The following ABCG1 variants were observed in gnomAD, a reference collection of about 807,000 sequenced individuals.
ABCG1 encodes ATP binding cassette subfamily G member 1.
In ABCG1, 29 loss-of-function variants were observed where a neutral mutation model predicts 69.2. That is an observed-to-expected ratio of 0.42 (90% CI 0.31 to 0.57). The LOEUF (loss-of-function observed/expected upper bound fraction) is 0.57, where lower values mean the gene tolerates loss of function less well. ABCG1 is among the 20% of genes least tolerant of loss of function. The pLI, the probability that ABCG1 is intolerant of heterozygous loss-of-function variation, is 0.15. For synonymous variants in ABCG1, 370 were observed against 374.8 expected (o/e 0.99, Z 0.15); for missense variants, 718 against 898.1 (o/e 0.80, Z 2.56).
At chr21:42,247,908 G>T (rs114174050) in intron 2 of ABCG1, among the ~76,000 whole-genome samples, 1 of 152,140 alleles carries the variant, frequency 6.6e-6, no homozygotes, top group Non-Finnish European at 1.5e-5. Context: ...GCCTGGAGAC[G>T]CAAGGAAGGA....
chr21:42,226,311 C>T lies in ABCG1; in HGVS notation c.286+397C>T, dbSNP rs1014747287. On this transcript the variant is annotated intron_variant, in intron 2 of 14. Transcript: ENST00000398449. ...AAAATGGGGGACAGGTGCCCCCCTCCCAAGCGTGAAGTGTTAAAAAGTGGC... is the reference window on the plus strand; with the variant it reads ...AAAATGGGGGACAGGTGCCCCCCTCTCAAGCGTGAAGTGTTAAAAAGTGGC... Among the ~76,000 whole-genome samples the T allele has an allele frequency of 4.6e-5, 7 of 152,164 alleles. No homozygotes were observed. The East Asian group carries it at 5.8e-4, about 13-fold the overall frequency.
In ABCG1 at chr21:42,276,515, G is replaced by A. The variant is rs752901253; in HGVS notation, c.538-380G>A. 4.2e-6 allele frequency: 1 copy of A among 237,038 alleles called. No individual in the cohort carries two copies. The highest frequency in any genetic ancestry group is 8.4e-6 in the Non-Finnish European group (1 of 119,526). 14.7% of individuals were successfully genotyped at this position (237,038 alleles called of 1,614,324 possible). On this transcript the variant is annotated intron_variant, in intron 4 of 14. Transcript: ENST00000398449. This position sits in a 1 kb window ranked among gnomAD's most constrained non-coding sequence, Gnocchi z 5.3. ...TAGCAGGAAGCATCGCACATGGACT[G>A]CTCTCCTGCCATCCTACCATTGTTA...
intron 2 of ABCG1, among the ~76,000 whole-genome samples, chr21:42,226,339 G>A (rs1414513049): frequency 6.6e-6 from 1 of 152,222 alleles, no homozygotes; most frequent in Non-Finnish European, 1.5e-5. Context: ...AAAGTGGCCA[G>A]TGACCTAGAC....
chr21:42,278,738 C>T (rs2068753726), intron 5 of ABCG1, among the ~76,000 whole-genome samples: 1 of 152,172 alleles, frequency 6.6e-6, no homozygotes, highest in Admixed American at 6.5e-5. Flanking sequence ...GCCTTAGTTC[C>T]AGGCACACAG....
At chr21:42,264,111 G>A (rs954989606) in intron 2 of ABCG1, among the ~76,000 whole-genome samples, 11 of 152,162 alleles carry the variant, frequency 7.2e-5, no homozygotes, top group Non-Finnish European at 1.0e-4. Context: ...GGCGGCTGTC[G>A]GATGCCCTGC....
Position 42,256,767 on chromosome 21 carries a change from C to T in ABCG1, c.287-14303C>T, listed in dbSNP as rs563472059. On this transcript the variant is annotated intron_variant, in intron 2 of 14. Coordinates refer to ENST00000398449, the MANE Select transcript of ABCG1 (RefSeq NM_016818.3). Reference sequence around the variant, plus strand: ...CAGAAATGATCACGAGCTTAAGGAACTGGGTCTGCAATGTGAAGCCTTAGG... The same window carrying T: ...CAGAAATGATCACGAGCTTAAGGAATTGGGTCTGCAATGTGAAGCCTTAGG... Among the ~76,000 whole-genome samples, 6 of 152,316 alleles carry T rather than the reference C, an allele frequency of 3.9e-5. No individual in the cohort carries two copies. The South Asian group carries it at 1.2e-3, about 32-fold the overall frequency.
intron 2 of ABCG1, among the ~76,000 whole-genome samples, chr21:42,231,732 G>A (rs1236863232): frequency 1.3e-5 from 2 of 152,202 alleles, no homozygotes; most frequent in Non-Finnish European, 2.9e-5. Flanking sequence ...CTGTGGCTAG[G>A]GGTTTTGAGA....
At position 42,200,562 on chromosome 21, in the gene ABCG1, C is replaced by T. The variant is rs73375467; in HGVS notation, c.-100+713C>T. Among the ~76,000 whole-genome samples the T allele has an allele frequency of 1.8e-3, 263 of 149,592 alleles. 2 individuals are homozygous for T. Among genetic ancestry groups the T allele is most frequent in the African/African-American group, 5.8e-3 (236 of 40,536 alleles). ...TGGGGGTGGGGTGGAGGGATGCTTT[C>T]GGGATGATTCAAATGCAATACTTTT... On this transcript the variant is annotated intron_variant, in intron 1 of 15. Transcript: ENST00000398457.
At chr21:42,256,616 G>A in intron 2 of ABCG1, 2 of 1,506,046 alleles carry the variant, frequency 1.3e-6, no homozygotes, top group Non-Finnish European at 1.8e-6. Flanking sequence ...TACAGGCACA[G>A]GTCAGCTCTC....
intron 2 of ABCG1, among the ~76,000 whole-genome samples, chr21:42,252,284 C>T (rs1207877699): frequency 1.3e-5 from 2 of 152,178 alleles, no homozygotes; most frequent in Admixed American, 1.3e-4. Flanking sequence ...TACCATTGTG[C>T]CTGTGCTGGA....
intron 8 of ABCG1, among the ~76,000 whole-genome samples, chr21:42,286,909 A>G (rs1204285787): frequency 6.6e-6 from 1 of 152,090 alleles, no homozygotes; most frequent in Non-Finnish European, 1.5e-5. Flanking sequence ...GCCTGGAAAC[A>G]TTGCCTGGCA....
Position 42,265,698 on chromosome 21 carries a change from G to A in ABCG1, c.287-5372G>A, listed in dbSNP as rs78641651. On this transcript the variant is annotated intron_variant, in intron 2 of 14. Transcript: ENST00000398449. ...GGTCAGCTCTAACACACCACAGGGC[G>A]GCCTGACCACTGTTGACTTCTCAGG... Among the ~76,000 whole-genome samples the A allele has an allele frequency of 2.6e-3, 403 of 152,262 alleles. 1 individual carries two copies. Among genetic ancestry groups the A allele is most frequent in the African/African-American group, 8.4e-3 (348 of 41,554 alleles).
intron 2 of ABCG1, among the ~76,000 whole-genome samples, chr21:42,210,739 T>TC (rs11372946): frequency 0.37 from 55,196 of 150,168 alleles, 10,997 homozygotes; most frequent in African/African-American, 0.53. Flanking sequence ...TGCACCTCCC[T>TC]GCCTCCTTGA....
intron 2 of ABCG1, among the ~76,000 whole-genome samples, chr21:42,265,629 G>A (rs907643573): frequency 1.1e-4 from 16 of 152,176 alleles, no homozygotes; most frequent in African/African-American, 3.9e-4. Flanking sequence ...TTCCAGTGAG[G>A]ACTTCCAGCC....
At position 42,276,267 on chromosome 21, in the gene ABCG1, G is replaced by A. The variant is rs1222687842; in HGVS notation, c.538-628G>A. ...TCAAAAAACACAACAACAACAAAAC[G>A]CGGCATCCTGACGTGTCGCCCTCGT... On this transcript the variant is annotated intron_variant, in intron 4 of 14. Transcript: ENST00000398449. This position sits in a 1 kb window ranked among gnomAD's most constrained non-coding sequence, Gnocchi z 5.3. The A allele has an allele frequency of 1.3e-5, 2 of 152,250 alleles. No homozygotes were observed. The highest frequency in any genetic ancestry group is 6.5e-5 in the Admixed American group (1 of 15,270). The allele number at this position is 152,250 out of a possible 1,614,324, so 9.4% of individuals were successfully genotyped here. A position where few individuals can be genotyped will look rare whatever the true frequency, so the allele number is the denominator to read the frequency against.
intron 7 of ABCG1, 51 bp from the exon 8 acceptor site, chr21:42,285,829 C>A: frequency 7.7e-7 from 1 of 1,299,966 alleles, no homozygotes; most frequent in Non-Finnish European, 1.1e-6. Context: ...GCTCCGGTTG[C>A]CTTCCGAGGA....
chr21:42,219,186 C>G lies in ABCG1; in HGVS notation c.-77C>G, dbSNP rs1445156984. 2 of 1,243,712 alleles carry G rather than the reference C, an allele frequency of 1.6e-6. No homozygotes were observed. Among genetic ancestry groups the G allele is most frequent in the Middle Eastern group, 2.4e-4 (1 of 4,100 alleles). 77.0% of individuals were successfully genotyped at this position (1,243,712 alleles called of 1,614,324 possible). ...CCCCGCGCAGCGGCTGAGCCGGGAGCCAGCGCAGCCTCGGCCCCGCAGCTC... is the reference window on the plus strand; with the variant it reads ...CCCCGCGCAGCGGCTGAGCCGGGAGGCAGCGCAGCCTCGGCCCCGCAGCTC... On this transcript the variant is annotated 5_prime_UTR_variant, in exon 1 of 15. Coordinates refer to ENST00000398449, the MANE Select transcript of ABCG1 (RefSeq NM_016818.3). The surrounding 1 kb of genome is among the most constrained non-coding windows in gnomAD (Gnocchi z 5.3).
chr21:42,270,372 T>G (rs983834023), intron 2 of ABCG1, among the ~76,000 whole-genome samples: 4 of 151,550 alleles, frequency 2.6e-5, no homozygotes, highest in African/African-American at 9.7e-5. Context: ...TGAAAAAAAA[T>G]TAATGTGGCT....
intron 4 of ABCG1, among the ~76,000 whole-genome samples, chr21:42,275,689 C>T (rs1030376630): frequency 6.6e-6 from 1 of 152,206 alleles, no homozygotes; most frequent in South Asian, 2.1e-4. Context: ...CGCCACCGAA[C>T]CTGCTGTGAA....
Sources: gnomAD v4.1 joint callset for allele counts (sites outside exome capture counted in the v4.1 genomes callset) on GRCh38, gnomAD v4.1.1 for gene constraint, Gnocchi (gnomAD v3.1) non-coding constraint, MANE v1.5 for transcripts, NCBI Gene and HGNC (gene_info 2026-07-23, HGNC 2026-07-21) for gene names.